STIM1: variants seen among roughly 807,000 people sequenced by gnomAD.
STIM1 encodes stromal interaction molecule 1.
A neutral mutation model predicts 74.7 loss-of-function variants in STIM1; 25 were observed. The observed-to-expected ratio is 0.33, with a 90% CI of 0.24 to 0.47. The LOEUF is 0.47. Ranked by LOEUF, STIM1 falls within the 20% of genes least tolerant of loss-of-function variation. STIM1 has a pLI of 1.00. For synonymous variants in STIM1, 328 were observed against 348.8 expected (o/e 0.94, Z 0.66); for missense variants, 728 against 920.8 (o/e 0.79, Z 2.71).
chr11:3,892,123 A>G (rs1464539897), intron 1 of STIM1, among the ~76,000 whole-genome samples: 1 of 152,246 alleles, frequency 6.6e-6, no homozygotes, highest in Non-Finnish European at 1.5e-5. Flanking sequence ...GGCAGCTTGT[A>G]TCTCCATGGT....
At chr11:3,927,469 C>G (rs922339209) in intron 1 of STIM1, among the ~76,000 whole-genome samples, 1 of 152,132 alleles carries the variant, frequency 6.6e-6, no homozygotes, top group South Asian at 2.1e-4. Flanking sequence ...TATTTATTAC[C>G]CTTTCCTGTG....
In STIM1 at chr11:3,871,163, G is replaced by A. The variant is rs1001123887; in HGVS notation, c.139+14754G>A. Among the ~76,000 whole-genome samples the A allele has an allele frequency of 2.6e-5, 4 of 152,160 alleles. No homozygotes were observed. In the South Asian group the frequency reaches 6.2e-4, roughly 24 times the overall value. ...ATTACAGGCGTGAGCCACGACGCCC[G>A]GCCTCCTATCAGCTACTCCTGACCA... On this transcript the variant is annotated intron_variant, in intron 1 of 12. Coordinates refer to ENST00000526596, the MANE Select transcript of STIM1 (RefSeq NM_001382567.1).
intron 6 of STIM1, among the ~76,000 whole-genome samples, chr11:4,070,825 T>G (rs1452537096): frequency 6.6e-6 from 1 of 152,210 alleles, no homozygotes; most frequent in Non-Finnish European, 1.5e-5. Flanking sequence ...AAGATTTAAC[T>G]GTGAAAAGAG....
intron 1 of STIM1, among the ~76,000 whole-genome samples, chr11:3,903,994 C>G (rs915909942): frequency 6.6e-6 from 1 of 151,802 alleles, no homozygotes; most frequent in African/African-American, 2.4e-5. Flanking sequence ...GTCAGCAGTT[C>G]GAGACCAGCC....
In STIM1 at chr11:3,892,652, T is replaced by C. The variant is rs933315341; in HGVS notation, c.139+36243T>C. ...GTTCTCATCATCAAATTTCTCCCCGTAGATGGACTTGCTGCTAGTGCCATT... is the reference window on the plus strand; with the variant it reads ...GTTCTCATCATCAAATTTCTCCCCGCAGATGGACTTGCTGCTAGTGCCATT... On this transcript the variant is annotated intron_variant, in intron 1 of 12. Coordinates refer to ENST00000526596, the MANE Select transcript of STIM1 (RefSeq NM_001382567.1). The C allele has an allele frequency of 9.9e-6, 16 of 1,610,220 alleles. No individual in the cohort carries two copies. In the East Asian group the frequency reaches 3.1e-4, roughly 31 times the overall value.
At chr11:3,999,066 C>A (rs1383916124) in intron 2 of STIM1, among the ~76,000 whole-genome samples, 1 of 152,238 alleles carries the variant, frequency 6.6e-6, no homozygotes, top group Non-Finnish European at 1.5e-5. Context: ...TGAAAACTGG[C>A]TGGGCATGGT....
intron 2 of STIM1, among the ~76,000 whole-genome samples, chr11:4,000,079 G>A (rs202073206): frequency 3.9e-5 from 6 of 152,034 alleles, no homozygotes; most frequent in East Asian, 1.9e-4. Flanking sequence ...CAAAGCAGCC[G>A]GGAAGCTTGA....
chr11:3,938,259 A>C (rs2092960782), intron 1 of STIM1, among the ~76,000 whole-genome samples: 1 of 152,140 alleles, frequency 6.6e-6, no homozygotes, highest in East Asian at 1.9e-4. Context: ...TTCTAATAGC[A>C]TTGAACTTCA....
At chr11:4,083,782 T>C (rs2133228486) in intron 10 of STIM1, 1 of 388,904 alleles carries the variant, frequency 2.6e-6, no homozygotes, top group South Asian at 4.5e-5. Context: ...TACCACTCTA[T>C]CTACCTTTAT....
At chr11:3,933,708 G>A (rs1011021862) in intron 1 of STIM1, among the ~76,000 whole-genome samples, 3 of 152,060 alleles carry the variant, frequency 2.0e-5, no homozygotes, top group Admixed American at 6.6e-5. Flanking sequence ...GCCGCCCGCC[G>A]TCTACAATGT....
intron 1 of STIM1, among the ~76,000 whole-genome samples, chr11:3,881,980 A>G (rs909664784): frequency 6.7e-5 from 10 of 150,346 alleles, no homozygotes; most frequent in Non-Finnish European, 1.5e-4. Flanking sequence ...CCTTGATCAT[A>G]TGATTATAAT....
chr11:3,901,746 G>A (rs2092353201), intron 1 of STIM1, among the ~76,000 whole-genome samples: 1 of 152,178 alleles, frequency 6.6e-6, no homozygotes, highest in African/African-American at 2.4e-5. Context: ...TTTATTGTTT[G>A]CCTAAGCCTT....
At chr11:4,008,458 C>T (rs548869240) in intron 2 of STIM1, among the ~76,000 whole-genome samples, 15 of 152,148 alleles carry the variant, frequency 9.9e-5, no homozygotes, top group African/African-American at 3.4e-4. Flanking sequence ...AAAAACATCA[C>T]CAAACTTACA....
Position 3,902,372 on chromosome 11 carries a change from G to A in STIM1, c.139+45963G>A, listed in dbSNP as rs190185960. ...AAAATAGGAGTGAGCAGAGAGCAGC[G>A]ATCCCCAATCTTTTTGGCACCAGGG... On this transcript the variant is annotated intron_variant, in intron 1 of 12. Coordinates refer to ENST00000526596, the MANE Select transcript of STIM1 (RefSeq NM_001382567.1). Among the ~76,000 whole-genome samples, 452 of 152,274 alleles carry A rather than the reference G, an allele frequency of 3.0e-3. 2 individuals carry two copies. The highest frequency in any genetic ancestry group is 9.9e-3 in the African/African-American group (411 of 41,552).
chr11:4,069,238 T>C (rs1266997292), intron 5 of STIM1, among the ~76,000 whole-genome samples: 1 of 152,190 alleles, frequency 6.6e-6, no homozygotes, highest in Non-Finnish European at 1.5e-5. Flanking sequence ...TGGCTTTTGC[T>C]TTTTATCTTG....
intron 1 of STIM1, among the ~76,000 whole-genome samples, chr11:3,900,527 G>T (rs1196423458): frequency 2.0e-5 from 3 of 152,328 alleles, no homozygotes; most frequent in African/African-American, 7.2e-5. Context: ...CTTCTGCAGC[G>T]CTCATGCTGG....
At chr11:4,010,257 G>A (rs551894184) in intron 2 of STIM1, among the ~76,000 whole-genome samples, 7 of 148,942 alleles carry the variant, frequency 4.7e-5, no homozygotes, top group African/African-American at 1.2e-4. Context: ...TACAACCTCC[G>A]CCTTCCAGGT....
intron 1 of STIM1, among the ~76,000 whole-genome samples, chr11:3,958,872 G>C (rs1251817390): frequency 6.6e-6 from 1 of 151,624 alleles, no homozygotes; most frequent in Non-Finnish European, 1.5e-5. Context: ...TTGAACCTGG[G>C]AGGCAGAGGT....
intron 1 of STIM1, 151 bp downstream of exon 1, chr11:3,856,560 C>A: frequency 2.0e-6 from 2 of 989,574 alleles, no homozygotes; most frequent in South Asian, 1.8e-5. Flanking sequence ...TCAAGAAGTT[C>A]TTTCTGGTCA....
Sources: allele counts gnomAD v4.1 joint callset (sites outside exome capture counted in the v4.1 genomes callset), GRCh38; gene constraint gnomAD v4.1.1; transcripts MANE v1.5; gene names NCBI Gene and HGNC (gene_info 2026-07-23, HGNC 2026-07-21).